WDR88: variants seen among roughly 807,000 people sequenced by gnomAD.
WDR88 encodes WD repeat-containing protein 88.
A neutral mutation model predicts 46.8 loss-of-function variants in WDR88; 40 were observed. The observed-to-expected ratio is 0.86, with a 90% CI of 0.66 to 1.11. WDR88 has a LOEUF of 1.11. Ranked by LOEUF, WDR88 falls within the 50% of genes most tolerant of loss-of-function variation. The pLI is 0.00. For synonymous variants in WDR88, 235 were observed against 240.7 expected (o/e 0.98, Z 0.22); for missense variants, 562 against 602.4 (o/e 0.93, Z 0.70).
chr19:33,152,747 GCC>G (rs1973660306), intron 6 of WDR88, among the ~76,000 whole-genome samples: 1 of 151,874 alleles, frequency 6.6e-6, no homozygotes, highest in African/African-American at 2.4e-5. Context: ...GATTACAGGC[GCC>G]CACCACCACA....
intron 7 of WDR88, among the ~76,000 whole-genome samples, chr19:33,157,501 A>C (rs1325685614): frequency 4.5e-5 from 5 of 112,216 alleles, no homozygotes; most frequent in Admixed American, 3.7e-4. Flanking sequence ...CTGTCTCAAT[A>C]TATATATATA....
chr19:33,134,259 T>C (rs1331115454), intron 1 of WDR88, among the ~76,000 whole-genome samples: 3 of 152,106 alleles, frequency 2.0e-5, no homozygotes, highest in Non-Finnish European at 4.4e-5. Flanking sequence ...GCGGAATGGT[T>C]CCCCCCTCTT....
chr19:33,137,843 A>G (rs1435556616), intron 2 of WDR88, 56 bp downstream of exon 2: 3 of 1,480,894 alleles, frequency 2.0e-6, no homozygotes, highest in Non-Finnish European at 2.8e-6. Context: ...AAGCTTAGGC[A>G]CCTCCTGTGT....
In WDR88 at chr19:33,147,673, G is replaced by T; in HGVS notation, c.505G>T (p.Val169Leu). 1 of 1,614,052 alleles carries T rather than the reference G, an allele frequency of 6.2e-7. No individual in the cohort carries two copies. Among genetic ancestry groups the T allele is most frequent in the South Asian group, 1.1e-5 (1 of 91,064 alleles). ...RVIAASYDKTVRAWDLETGKL... is the reference protein window; with the variant it reads ...RVIAASYDKTLRAWDLETGKL... ...CATTGCCGCATCCTATGATAAGACA[G>T]TGAGGGCCTGGGACCTGGAGACAGG... Residue 169 changes from valine (V) to leucine (L), a missense_variant, in exon 4 of 11, where the codon GTG becomes TTG. Val to Leu is a conservative substitution (Grantham distance 32). Transcript: ENST00000355868.
intron 7 of WDR88, among the ~76,000 whole-genome samples, chr19:33,158,982 G>A (rs1431996950): frequency 6.6e-6 from 1 of 152,070 alleles, no homozygotes; most frequent in Non-Finnish European, 1.5e-5. Flanking sequence ...TTACAGACGT[G>A]AGCCACCACA....
intron 5 of WDR88, among the ~76,000 whole-genome samples, chr19:33,150,363 T>C (rs1037656996): frequency 1.4e-4 from 22 of 152,194 alleles, no homozygotes; most frequent in African/African-American, 5.1e-4. Context: ...GAGGCAGAAT[T>C]GCTGGAACCC....
chr19:33,160,131 GCCTA>G (rs1973839832), intron 7 of WDR88, among the ~76,000 whole-genome samples: 1 of 152,134 alleles, frequency 6.6e-6, no homozygotes. Flanking sequence ...TGGCTTGCTT[GCCTA>G]CCACTCACTG....
rs752214837 is a variant in WDR88, at chr19:33,148,917, G to GT, written c.679+8dup. ...ACCGTTTCCGTCATCAAAGGTGAGG[G>GT]TGTGCGGGCTCCCTGTATCTTCAGT... On this transcript the variant is annotated splice_region_variant and intron_variant, in intron 5 of 10. Transcript: ENST00000355868. The GT allele has an allele frequency of 1.9e-6, 3 of 1,613,978 alleles. No individual in the cohort carries two copies. The highest frequency in any genetic ancestry group is 2.5e-6 in the Non-Finnish European group (3 of 1,179,994).
intron 4 of WDR88, 42 bp from the exon 5 acceptor site, chr19:33,148,730 C>G (rs777747528): frequency 2.5e-6 from 4 of 1,613,412 alleles, no homozygotes; most frequent in Non-Finnish European, 3.4e-6. Context: ...TAACACACCA[C>G]ACCTGGCTTA....
intron 6 of WDR88, among the ~76,000 whole-genome samples, chr19:33,153,232 T>C (rs1251909155): frequency 8.1e-6 from 1 of 123,486 alleles, no homozygotes; most frequent in African/African-American, 3.4e-5. Flanking sequence ...TAAGTTTGTT[T>C]TTTTTTTTTT....
rs766958277 is a variant in WDR88 at position 33,133,198 on chromosome 19, T to TAGAG, written c.276+765_276+768dup. Among the ~76,000 whole-genome samples, 519 of 79,776 alleles carry TAGAG rather than the reference T, an allele frequency of 6.5e-3. 11 individuals are homozygous for TAGAG. The highest frequency in any genetic ancestry group is 0.017 in the Middle Eastern group (3 of 180). The allele number at this position is 79,776 out of a possible 152,430, so 52.3% of individuals were successfully genotyped here. On this transcript the variant is annotated intron_variant, in intron 1 of 10. Transcript: ENST00000355868. ...AAATAAATAAATAAATAAATAAATA[T>TAGAG]AGAGAGAGAGAGAGAAAGAAAGAAA... is the stretch of plus-strand genomic sequence containing the variant.
At chr19:33,152,394 C>T (rs1435280541) in intron 6 of WDR88, among the ~76,000 whole-genome samples, 1 of 152,074 alleles carries the variant, frequency 6.6e-6, no homozygotes, top group Non-Finnish European at 1.5e-5. Flanking sequence ...GAAGCTCTTA[C>T]CCGTTAAGCA....
chr19:33,143,030 G>C (rs1007622959), intron 2 of WDR88, among the ~76,000 whole-genome samples: 7 of 151,450 alleles, frequency 4.6e-5, no homozygotes, highest in South Asian at 4.2e-4. Flanking sequence ...ATTAAGAAAG[G>C]GTTTAAGTCT....
intron 9 of WDR88, among the ~76,000 whole-genome samples, chr19:33,169,337 T>A (rs952525080): frequency 6.6e-6 from 1 of 152,192 alleles, no homozygotes; most frequent in African/African-American, 2.4e-5. Flanking sequence ...TTGCACATCA[T>A]GTATCTGATA....
chr19:33,132,579 C>T, intron 1 of WDR88, 134 bp downstream of exon 1: 2 of 1,345,524 alleles, frequency 1.5e-6, no homozygotes, highest in Non-Finnish European at 2.0e-6. Context: ...AGGCCCATTT[C>T]CCCATCTGTG....
chr19:33,175,632 C>T lies in WDR88; in HGVS notation c.*60C>T. The T allele has an allele frequency of 6.3e-7, 1 of 1,595,386 alleles. No individual in the cohort carries two copies. Among genetic ancestry groups the T allele is most frequent in the East Asian group, 2.2e-5 (1 of 44,754 alleles). ...GCTACCTAGCATGTAGGTTTCGGGG[C>T]TTTGCAGGGGCTTTCTCTTGGGCCC... is the stretch of plus-strand genomic sequence containing the variant. On this transcript the variant is annotated 3_prime_UTR_variant, in exon 11 of 11. Transcript: ENST00000355868.
At chr19:33,173,475 T>C (rs149751820) in intron 10 of WDR88, among the ~76,000 whole-genome samples, 1 of 152,264 alleles carries the variant, frequency 6.6e-6, no homozygotes, top group Non-Finnish European at 1.5e-5. Context: ...GGAGCCTCTC[T>C]GTGCACACAC....
intron 7 of WDR88, among the ~76,000 whole-genome samples, chr19:33,158,770 G>A (rs1378764407): frequency 6.6e-6 from 1 of 152,200 alleles, no homozygotes; most frequent in Non-Finnish European, 1.5e-5. Flanking sequence ...CGCGATCTTG[G>A]CTCACTGCAA....
chr19:33,174,440 A>AG lies in WDR88; in HGVS notation c.1243-952dup, dbSNP rs1248350856. On this transcript the variant is annotated intron_variant, in intron 10 of 10. Coordinates refer to ENST00000355868, the MANE Select transcript of WDR88 (RefSeq NM_173479.4). The stretch of plus-strand genomic sequence containing the variant: ...GGACCATGCATGGTGGGAACCCCTG[A>AG]GGGGCCTCTGCCCATGGCCTAGGAG... The AG allele has an allele frequency of 8.7e-6, 12 of 1,372,434 alleles. No homozygotes were observed. The African/African-American group carries it at 1.5e-4, about 17-fold the overall frequency. The allele number at this position is 1,372,434 out of a possible 1,614,324, so 85.0% of individuals were successfully genotyped here.
Sources: allele counts gnomAD v4.1 joint callset (sites outside exome capture counted in the v4.1 genomes callset), GRCh38; gene constraint gnomAD v4.1.1; transcripts MANE v1.5; gene names NCBI Gene and HGNC (gene_info 2026-07-23, HGNC 2026-07-21).